KIRREL1: variants seen among roughly 807,000 people sequenced by gnomAD.
The protein encoded by KIRREL1 is kirre like nephrin family adhesion molecule 1.
Under a neutral mutation model 83.3 loss-of-function variants are expected in KIRREL1, and 25 were observed. The ratio of observed to expected loss-of-function variants is 0.30; its 90% CI spans 0.22 to 0.42. The LOEUF is 0.42. Among genes scored for constraint, KIRREL1 ranks in the 10% least tolerant of loss-of-function variants. The pLI, the probability that KIRREL1 is intolerant of heterozygous loss-of-function variation, is 1.00. For synonymous variants in KIRREL1, 388 were observed against 410.4 expected, an observed-to-expected ratio of 0.95 and a Z score of 0.66; for missense variants, 812 against 1,032.3, an observed-to-expected ratio of 0.79 and a Z score of 2.92.
At position 157,993,680 on chromosome 1, in the gene KIRREL1, C is replaced by G. The variant is rs1473739132; in HGVS notation, c.4C>G (p.Leu2Val). The change falls in exon 1 of 15, where the codon CTG becomes GTG. Residue 2 changes from leucine (L) to valine (V), a missense_variant. Physicochemically the swap from Leu to Val is conservative, Grantham distance 32 (BLOSUM62 1). Coordinates refer to ENST00000359209, the MANE Select transcript of KIRREL1 (RefSeq NM_018240.7). M[L>V]SLLVWILTLS... Reference sequence around the variant, plus strand: ...GGGCGCACGGCGGGCGGACAGCATGCTGAGCCTCCTCGTCTGGATCCTCAC... The same window carrying G: ...GGGCGCACGGCGGGCGGACAGCATGGTGAGCCTCCTCGTCTGGATCCTCAC... The G allele has an allele frequency of 6.7e-7, 1 of 1,489,160 alleles. No homozygotes were observed. The highest frequency in any genetic ancestry group is 8.9e-7 in the Non-Finnish European group (1 of 1,118,118). 92.2% of individuals were successfully genotyped at this position (1,489,160 alleles called of 1,614,324 possible). A position where few individuals can be genotyped will look rare whatever the true frequency, so the allele number is the denominator to read the frequency against.
At chr1:158,081,782 A>C (rs1661865783) in intron 3 of KIRREL1, among the ~76,000 whole-genome samples, 1 of 152,164 alleles carries the variant, frequency 6.6e-6, no homozygotes, top group Admixed American at 6.5e-5. Context: ...AATTCAGAGA[A>C]AGGTAGACTG....
intron 1 of KIRREL1, among the ~76,000 whole-genome samples, chr1:158,006,449 C>A (rs1222749408): frequency 3.9e-5 from 6 of 152,230 alleles, no homozygotes; most frequent in African/African-American, 1.4e-4. Flanking sequence ...TTTATTTTCT[C>A]ATACTTCAAG....
chr1:158,096,386 G>A lies in KIRREL1; in HGVS notation c.*1266G>A, dbSNP rs1662355801. On this transcript the variant is annotated 3_prime_UTR_variant, in exon 15 of 15. Transcript: ENST00000359209. ...TTAAGTGTCTTTTTTTTTTTTCTTG[G>A]ACCAATCAGATTCCTTCTTCCACTT... is the stretch of plus-strand genomic sequence containing the variant. 3 of 352,428 alleles carry A rather than the reference G, an allele frequency of 8.5e-6. No individual in the cohort carries two copies. Among genetic ancestry groups the A allele is most frequent in the Admixed American group, 3.8e-5 (1 of 26,194 alleles). 21.8% of individuals were successfully genotyped at this position (352,428 alleles called of 1,614,324 possible).
At position 158,095,735 on chromosome 1, in the gene KIRREL1, C is replaced by T. The variant is rs1378370155; in HGVS notation, c.*615C>T. The T allele has an allele frequency of 6.6e-6, 1 of 152,348 alleles. No individual in the cohort carries two copies. The highest frequency in any genetic ancestry group is 2.4e-5 in the African/African-American group (1 of 41,468). 9.4% of individuals were successfully genotyped at this position (152,348 alleles called of 1,614,324 possible). ...ATTCAGCTGGGATCAAAATGCCAGT[C>T]ACCTTGGCTACCCACTGTGGACAGC... On this transcript the variant is annotated 3_prime_UTR_variant, in exon 15 of 15. Coordinates refer to ENST00000359209, the MANE Select transcript of KIRREL1 (RefSeq NM_018240.7).
intron 1 of KIRREL1, among the ~76,000 whole-genome samples, chr1:158,067,688 C>T (rs1286768353): frequency 6.6e-6 from 1 of 152,226 alleles, no homozygotes; most frequent in Non-Finnish European, 1.5e-5. Flanking sequence ...CCCACGTCTC[C>T]TAACTTCTGG....
At chr1:158,081,450 C>T (rs1439919036) in intron 3 of KIRREL1, among the ~76,000 whole-genome samples, 1 of 152,200 alleles carries the variant, frequency 6.6e-6, no homozygotes, top group African/African-American at 2.4e-5. Context: ...CAGTTGGCTT[C>T]ACCTTCTTGA....
chr1:158,004,775 C>T (rs370475305), intron 1 of KIRREL1, among the ~76,000 whole-genome samples: 4 of 152,166 alleles, frequency 2.6e-5, no homozygotes, highest in South Asian at 4.2e-4. Context: ...GAAACACCGT[C>T]TCTACTAAAA....
intron 10 of KIRREL1, among the ~76,000 whole-genome samples, chr1:158,091,019 C>G (rs914329679): frequency 1.3e-5 from 2 of 152,218 alleles, no homozygotes; most frequent in African/African-American, 4.8e-5. Flanking sequence ...GCATCCACAT[C>G]ACATGGGATC....
rs1439919036 is a variant in KIRREL1, at chr1:158,081,450, C to A, written c.353-2972C>A. Among the ~76,000 whole-genome samples the A allele has an allele frequency of 2.0e-5, 3 of 152,318 alleles. No individual in the cohort carries two copies. In the South Asian group the frequency reaches 6.2e-4, roughly 32 times the overall value. ...TCCCACCACCATTTACAGTTGGCTT[C>A]ACCTTCTTGATTTTGTTTTGCAAAA... On this transcript the variant is annotated intron_variant, in intron 3 of 14. Coordinates refer to ENST00000359209, the MANE Select transcript of KIRREL1 (RefSeq NM_018240.7).
chr1:158,002,239 T>G (rs1399786511), intron 1 of KIRREL1, among the ~76,000 whole-genome samples: 1 of 152,238 alleles, frequency 6.6e-6, no homozygotes, highest in Non-Finnish European at 1.5e-5. Context: ...AGGAGAGCTC[T>G]GCAGCCTGAC....
intron 7 of KIRREL1, 86 bp from the exon 8 acceptor site, chr1:158,088,241 G>A (rs1662077838): frequency 6.2e-7 from 1 of 1,604,776 alleles, no homozygotes; most frequent in African/African-American, 1.3e-5. Context: ...TCCATGAATG[G>A]GGAGGTAGCA....
chr1:158,075,858 G>C (rs1313012182), intron 1 of KIRREL1, among the ~76,000 whole-genome samples: 1 of 152,214 alleles, frequency 6.6e-6, no homozygotes, highest in Non-Finnish European at 1.5e-5. Context: ...TTCTGTAACA[G>C]TGCACTATTT....
At chr1:158,043,886 C>T (rs1017474489) in intron 1 of KIRREL1, among the ~76,000 whole-genome samples, 4 of 152,208 alleles carry the variant, frequency 2.6e-5, no homozygotes, top group African/African-American at 4.8e-5. Flanking sequence ...CAGCTTCACC[C>T]TGCAAATTAC....
At chr1:158,078,214 G>A in intron 3 of KIRREL1, 74 bp downstream of exon 3, 1 of 1,478,660 alleles carries the variant, frequency 6.8e-7, no homozygotes, top group South Asian at 1.2e-5. Flanking sequence ...CCACTCTCCA[G>A]TTCCCTCTTT....
chr1:158,043,407 C>A (rs909294795), intron 1 of KIRREL1, among the ~76,000 whole-genome samples: 1 of 152,198 alleles, frequency 6.6e-6, no homozygotes, highest in Admixed American at 6.5e-5. Flanking sequence ...CTTGGCCCGG[C>A]TGCACGCCTC....
At chr1:158,045,504 G>T (rs138721894) in intron 1 of KIRREL1, among the ~76,000 whole-genome samples, 3 of 152,172 alleles carry the variant, frequency 2.0e-5, no homozygotes, top group Non-Finnish European at 4.4e-5. Flanking sequence ...TATTACACAG[G>T]ATATAAATCT....
At chr1:158,010,183 G>A (rs1659632456) in intron 1 of KIRREL1, among the ~76,000 whole-genome samples, 4 of 152,006 alleles carry the variant, frequency 2.6e-5, no homozygotes, top group Admixed American at 2.0e-4. Context: ...ATAAGCCAAG[G>A]CCAGAGGTAC....
chr1:158,037,489 C>CAAAA (rs759200504), intron 1 of KIRREL1, among the ~76,000 whole-genome samples: 7 of 43,958 alleles, frequency 1.6e-4, no homozygotes, highest in South Asian at 8.3e-4. Flanking sequence ...AAGACTCTGG[C>CAAAA]AAAAAAAAAA....
intron 1 of KIRREL1, among the ~76,000 whole-genome samples, chr1:158,042,909 T>TG (rs537156417): frequency 1.6e-5 from 2 of 121,970 alleles, no homozygotes; most frequent in African/African-American, 3.1e-5. Flanking sequence ...CCGTCTCTAC[T>TG]AAAAAAAAAA....
Sources: allele counts gnomAD v4.1 joint callset (sites outside exome capture counted in the v4.1 genomes callset), GRCh38; gene constraint gnomAD v4.1.1; transcripts MANE v1.5; gene names NCBI Gene and HGNC (gene_info 2026-07-23, HGNC 2026-07-21).